Variants in ENTHD1 observed in about 807,000 individuals in gnomAD.
ENTHD1 encodes ENTH domain containing 1.
A neutral mutation model predicts 39.1 loss-of-function variants in ENTHD1; 23 were observed. The ratio of observed to expected loss-of-function variants is 0.59; its 90% CI spans 0.42 to 0.83. ENTHD1 has a LOEUF of 0.83. Ranked by LOEUF, ENTHD1 falls within the 40% of genes least tolerant of loss-of-function variation. The probability of loss-of-function intolerance (pLI) is 0.00; values close to 1 mark genes in which losing one functional copy is unlikely to be tolerated. For missense variants in ENTHD1, 624 were observed against 705.4 expected, an observed-to-expected ratio of 0.88 and a Z score of 1.31; for synonymous variants, 230 against 258.2, an observed-to-expected ratio of 0.89 and a Z score of 1.05.
At position 39,765,434 on chromosome 22, in the gene ENTHD1, C is replaced by G. The variant is rs112903488; in HGVS notation, c.1008G>C (p.Trp336Cys). Residue 336 changes from tryptophan (W) to cysteine (C), a missense_variant, in exon 6 of 7, where the codon TGG becomes TGC. Trp to Cys is a radical substitution (Grantham distance 215). Transcript: ENST00000325157. ...GGCTGATAAACTCCTCTTTACTTGA[C>G]CAACATGCTGGTAAAATTGTCAATG... The part of the protein sequence containing the change: ...LKTLTILPAC[W>C]SSKEEFISPD... 1.0e-4 allele frequency: 161 copies of G among 1,613,980 alleles called. 3 individuals carry two copies. The African/African-American group carries it at 1.4e-3, about 14-fold the overall frequency.
intron 5 of ENTHD1, among the ~76,000 whole-genome samples, chr22:39,799,943 T>C (rs2065585231): frequency 6.6e-6 from 1 of 152,090 alleles, no homozygotes; most frequent in African/African-American, 2.4e-5. Context: ...CAGGTCAGGA[T>C]GTAGTCTGGT....
intron 5 of ENTHD1, among the ~76,000 whole-genome samples, chr22:39,803,354 C>G (rs2065614591): frequency 6.6e-6 from 1 of 152,092 alleles, no homozygotes; most frequent in Non-Finnish European, 1.5e-5. Flanking sequence ...CATAACATCT[C>G]TGCATAAAGG....
intron 5 of ENTHD1, among the ~76,000 whole-genome samples, chr22:39,777,810 T>G (rs756919065): frequency 1.1e-4 from 16 of 152,208 alleles, no homozygotes; most frequent in Non-Finnish European, 1.8e-4. Flanking sequence ...TTTCCCTCAA[T>G]AGATTATAGT....
At chr22:39,780,116 G>A (rs1264555996) in intron 5 of ENTHD1, among the ~76,000 whole-genome samples, 1 of 152,174 alleles carries the variant, frequency 6.6e-6, no homozygotes, top group Non-Finnish European at 1.5e-5. Flanking sequence ...GCTCATGCCT[G>A]TAACTCCAGG....
At chr22:39,841,915 C>T (rs1328792483) in intron 3 of ENTHD1, among the ~76,000 whole-genome samples, 1 of 151,284 alleles carries the variant, frequency 6.6e-6, no homozygotes. Flanking sequence ...TTCAGGAGCT[C>T]TTTTAGGGCA....
At chr22:39,747,913 G>T (rs964783689) in intron 6 of ENTHD1, among the ~76,000 whole-genome samples, 2 of 152,124 alleles carry the variant, frequency 1.3e-5, no homozygotes, top group Non-Finnish European at 2.9e-5. Context: ...TTTGAGGCAA[G>T]ATCGGTGCAT....
At chr22:39,849,341 A>G (rs1315532040) in intron 3 of ENTHD1, among the ~76,000 whole-genome samples, 1 of 152,208 alleles carries the variant, frequency 6.6e-6, no homozygotes, top group Non-Finnish European at 1.5e-5. Flanking sequence ...TTTTGATTCA[A>G]TACAACAGAA....
chr22:39,851,071 A>G (rs1022258544), intron 3 of ENTHD1, among the ~76,000 whole-genome samples: 1 of 152,004 alleles, frequency 6.6e-6, no homozygotes. Flanking sequence ...TAACTATTTC[A>G]CCCTCACCCT....
chr22:39,825,066 C>G (rs1228218524), intron 4 of ENTHD1, among the ~76,000 whole-genome samples: 2 of 152,160 alleles, frequency 1.3e-5, no homozygotes, highest in African/African-American at 4.8e-5. Flanking sequence ...TGATAGGTCT[C>G]TATTTGGGTC....
chr22:39,889,094 C>T lies in ENTHD1; in HGVS notation c.-155-1191G>A, dbSNP rs139194918. 2.9e-4 allele frequency among the ~76,000 whole-genome samples: 44 copies of T among 152,268 alleles called. 1 individual carries two copies. The highest frequency in any genetic ancestry group is 1.0e-3 in the African/African-American group (42 of 41,554). ...CAGCTAATTCATGGTACCCTAAAAC[C>T]TCTATTTTAGTCCAGATAAGCCTGG... On this transcript the variant is annotated intron_variant, in intron 1 of 6. Coordinates refer to ENST00000325157, the MANE Select transcript of ENTHD1 (RefSeq NM_152512.4).
At chr22:39,841,188 GC>G (rs1429222867) in intron 3 of ENTHD1, among the ~76,000 whole-genome samples, 3 of 152,042 alleles carry the variant, frequency 2.0e-5, no homozygotes, top group African/African-American at 7.2e-5. Flanking sequence ...TTAACATTTT[GC>G]CCCATTTGCT....
chr22:39,817,722 A>G (rs1379892701), intron 5 of ENTHD1, among the ~76,000 whole-genome samples: 1 of 152,116 alleles, frequency 6.6e-6, no homozygotes, highest in Non-Finnish European at 1.5e-5. Context: ...ATTATGATAC[A>G]AAATTATAAA....
At chr22:39,873,997 C>T (rs1470438743) in intron 2 of ENTHD1, among the ~76,000 whole-genome samples, 1 of 152,150 alleles carries the variant, frequency 6.6e-6, no homozygotes, top group Non-Finnish European at 1.5e-5. Context: ...CTAGGGAGGC[C>T]TCACAATCAT....
chr22:39,800,247 C>A (rs1215238292), intron 5 of ENTHD1, among the ~76,000 whole-genome samples: 1 of 152,194 alleles, frequency 6.6e-6, no homozygotes, highest in Non-Finnish European at 1.5e-5. Flanking sequence ...TGCTCCTATG[C>A]CTTAGGTGTT....
chr22:39,833,806 T>C (rs570349503), intron 4 of ENTHD1, among the ~76,000 whole-genome samples: 2 of 151,906 alleles, frequency 1.3e-5, no homozygotes, highest in East Asian at 1.9e-4. Flanking sequence ...CAGGACTAAA[T>C]AGAGATGAAA....
intron 3 of ENTHD1, among the ~76,000 whole-genome samples, chr22:39,846,313 ATTTC>A: frequency 6.6e-6 from 1 of 152,116 alleles, no homozygotes; most frequent in African/African-American, 2.4e-5. Flanking sequence ...CGATCTTCCC[ATTTC>A]TGCCTCCTGA....
chr22:39,814,529 C>A (rs973497284), intron 5 of ENTHD1, among the ~76,000 whole-genome samples: 1 of 152,014 alleles, frequency 6.6e-6, no homozygotes, highest in Non-Finnish European at 1.5e-5. Context: ...ACAAAGGTGG[C>A]GTGATTAAAA....
At chr22:39,819,053 T>C (rs939028114) in intron 5 of ENTHD1, among the ~76,000 whole-genome samples, 3 of 152,162 alleles carry the variant, frequency 2.0e-5, no homozygotes, top group South Asian at 2.1e-4. Context: ...CTGTGGTACA[T>C]TCTATTCAGC....
At chr22:39,875,950 TG>T in intron 2 of ENTHD1, 1 of 1,613,992 alleles carries the variant, frequency 6.2e-7, no homozygotes, top group East Asian at 2.2e-5. Context: ...GCACTCATCT[TG>T]GTTGTGTACC....
Sources: allele counts gnomAD v4.1 joint callset (sites outside exome capture counted in the v4.1 genomes callset), GRCh38; gene constraint gnomAD v4.1.1; transcripts MANE v1.5; gene names NCBI Gene and HGNC (gene_info 2026-07-23, HGNC 2026-07-21).